AFDN: variants seen among roughly 807,000 people sequenced by gnomAD.
AFDN encodes the protein afadin.
AFDN carries 68 observed loss-of-function variants against 216.6 expected under a neutral mutation model. The observed-to-expected ratio is 0.31, with a 90% CI of 0.26 to 0.38. AFDN has a LOEUF of 0.38. Ranked by LOEUF, AFDN falls within the 10% of genes least tolerant of loss-of-function variation. The pLI is 1.00. For synonymous variants in AFDN, 868 were observed against 853.7 expected, an observed-to-expected ratio of 1.02 and a Z score of -0.29; for missense variants, 2,136 against 2,342.0, an observed-to-expected ratio of 0.91 and a Z score of 1.82.
chr6:167,857,291 TGCCTTA>T (rs1162941856), intron 1 of AFDN, among the ~76,000 whole-genome samples: 1 of 152,060 alleles, frequency 6.6e-6, no homozygotes, highest in African/African-American at 2.4e-5. Context: ...TTCAGGGAAG[TGCCTTA>T]GTCATAATGT....
At chr6:167,923,063 G>T in intron 22 of AFDN, 104 bp downstream of exon 22, 1 of 760,376 alleles carries the variant, frequency 1.3e-6, no homozygotes, top group Admixed American at 2.9e-5. Flanking sequence ...TGATGGCAGA[G>T]TTTTAAAATC....
chr6:167,926,995 G>C (rs914463682), intron 23 of AFDN, among the ~76,000 whole-genome samples: 6 of 152,154 alleles, frequency 3.9e-5, no homozygotes, highest in Admixed American at 1.3e-4. Flanking sequence ...CTGGAAGTTA[G>C]TTTATTTAAA....
At chr6:167,923,920 C>T (rs1377342490) in intron 22 of AFDN, among the ~76,000 whole-genome samples, 3 of 151,956 alleles carry the variant, frequency 2.0e-5, no homozygotes, top group Admixed American at 6.5e-5. Flanking sequence ...CCACCTCGCC[C>T]GGCCCCTAAT....
At chr6:167,898,139 A>T in intron 10 of AFDN, 66 bp from the exon 11 acceptor site, 1 of 1,566,590 alleles carries the variant, frequency 6.4e-7, no homozygotes. Context: ...TCACGGTTTT[A>T]ACATTCTGTG....
chr6:167,840,350 T>G (rs577356244), intron 1 of AFDN, among the ~76,000 whole-genome samples: 5 of 152,340 alleles, frequency 3.3e-5, no homozygotes, highest in African/African-American at 1.2e-4. Flanking sequence ...GTAAGAGGAT[T>G]ATATGGCCTT....
intron 21 of AFDN, among the ~76,000 whole-genome samples, chr6:167,919,171 C>G (rs1791480211): frequency 6.6e-6 from 1 of 152,250 alleles, no homozygotes; most frequent in South Asian, 2.1e-4. Context: ...GCTCTGCGCA[C>G]TTGATGTCAT....
In AFDN at chr6:167,943,939, A is replaced by G; in HGVS notation, c.3240-2A>G. The G allele has an allele frequency of 6.2e-7, 1 of 1,613,796 alleles. No homozygotes were observed. Among genetic ancestry groups the G allele is most frequent in the Non-Finnish European group, 8.5e-7 (1 of 1,179,700 alleles). On this transcript the variant is annotated splice_acceptor_variant, in intron 25 of 33. Coordinates refer to ENST00000683244, the MANE Select transcript of AFDN (RefSeq NM_001386888.1). LOFTEE classifies it high-confidence loss of function. Reference sequence around the variant, plus strand: ...CTTACATGTGTAATCTTCTTCTCCTAGGGCGGCAGAACTCATGACAAGAAC... The same window carrying G: ...CTTACATGTGTAATCTTCTTCTCCTGGGGCGGCAGAACTCATGACAAGAAC...
In AFDN at chr6:167,948,374, T is replaced by C. The variant is rs1462545889; in HGVS notation, c.3727T>C (p.Ser1243Pro). 1 of 1,614,006 alleles carries C rather than the reference T, an allele frequency of 6.2e-7. No individual in the cohort carries two copies. The highest frequency in any genetic ancestry group is 8.5e-7 in the Non-Finnish European group (1 of 1,180,034). Residue 1243 changes from serine (S) to proline (P), a missense_variant, in exon 29 of 34, where the codon TCC becomes CCC. Physicochemically the swap from Ser to Pro is moderately conservative, Grantham distance 74 (BLOSUM62 -1). Around this residue, in one of 8 missense-constraint regions of AFDN, gnomAD observed 981 missense variants for 966.0 expected, o/e 1.02. Coordinates refer to ENST00000683244, the MANE Select transcript of AFDN (RefSeq NM_001386888.1). ...CAGAGAGTATTTTACCTTCCCAGCT[T>C]CCAAATCCCAGGATCGGATGGCTCC... The part of the protein sequence containing the change: ...YTREYFTFPA[S>P]KSQDRMAPPQ...
chr6:167,851,158 C>T (rs534293003), intron 1 of AFDN, among the ~76,000 whole-genome samples: 9 of 152,286 alleles, frequency 5.9e-5, no homozygotes, highest in South Asian at 2.1e-4. Flanking sequence ...TCATTTTTCA[C>T]GTCATATATA....
intron 23 of AFDN, among the ~76,000 whole-genome samples, chr6:167,938,898 T>C (rs891077763): frequency 2.8e-4 from 42 of 152,316 alleles, no homozygotes; most frequent in Admixed American, 2.6e-3. Flanking sequence ...AAGAGCTGAC[T>C]GGCAGGCAGC....
At chr6:167,857,049 ATACTCACACTG>A (rs1395316805) in intron 1 of AFDN, among the ~76,000 whole-genome samples, 1 of 152,140 alleles carries the variant, frequency 6.6e-6, no homozygotes, top group Non-Finnish European at 1.5e-5. Flanking sequence ...CTCGTTATTT[ATACTCACACTG>A]TAAAAAACTG....
intron 1 of AFDN, among the ~76,000 whole-genome samples, chr6:167,847,973 G>A (rs1466048424): frequency 2.0e-5 from 3 of 152,050 alleles, no homozygotes; most frequent in East Asian, 3.9e-4. Context: ...CTATTTGTCA[G>A]TTATGCCAAC....
At position 167,899,275 on chromosome 6, in the gene AFDN, T is replaced by A. The variant is rs1297811383; in HGVS notation, c.1580+808T>A. Among the ~76,000 whole-genome samples, 3 of 152,124 alleles carry A rather than the reference T, an allele frequency of 2.0e-5. No homozygotes were observed. In the East Asian group the frequency reaches 5.8e-4, roughly 29 times the overall value. On this transcript the variant is annotated intron_variant, in intron 11 of 33. Coordinates refer to ENST00000683244, the MANE Select transcript of AFDN (RefSeq NM_001386888.1). ...TATCACATATATTTATTTGTAAAGT[T>A]CACAGCTGTTTAAGATCCATCCCCA...
intron 1 of AFDN, among the ~76,000 whole-genome samples, chr6:167,827,458 G>C (rs1779264102): frequency 6.9e-6 from 1 of 144,228 alleles, no homozygotes; most frequent in Admixed American, 6.8e-5. Flanking sequence ...CGCGCGGGCC[G>C]AGCGGGGGCT....
chr6:167,897,833 A>AC (rs1788475688), intron 10 of AFDN, among the ~76,000 whole-genome samples: 1 of 151,778 alleles, frequency 6.6e-6, no homozygotes, highest in African/African-American at 2.4e-5. Context: ...TTTCGTAGAG[A>AC]CGGAGTTTCA....
rs1194178388 is a variant in AFDN at position 167,915,311 on chromosome 6, T to A, written c.2443T>A (p.Ser815Thr). 1.2e-6 allele frequency: 2 copies of A among 1,614,124 alleles called. No individual in the cohort carries two copies. ...CAATAGATTGGTGACCGACCCAGAT[T>A]CGGGGCTGTGCTCCCATTACTGGGG... ...LFNRLVTDPD[S>T]GLCSHYWGAI... The change falls in exon 19 of 34, where the codon TCG becomes ACG. Residue 815 changes from serine (S) to threonine (T), a missense_variant. Ser to Thr is a moderately conservative substitution (Grantham distance 58, BLOSUM62 1). This residue lies in a region of AFDN where 817 missense variants were observed against 965.7 expected (regional missense o/e 0.85). Coordinates refer to ENST00000683244, the MANE Select transcript of AFDN (RefSeq NM_001386888.1).
chr6:167,963,473 G>C, intron 31 of AFDN: 1 of 1,053,248 alleles, frequency 9.5e-7, no homozygotes, highest in African/African-American at 1.7e-5. Context: ...TATATTAATA[G>C]AACAGTGTAC....
chr6:167,900,299 A>G (rs972321429), intron 11 of AFDN, among the ~76,000 whole-genome samples: 3 of 152,238 alleles, frequency 2.0e-5, no homozygotes, highest in East Asian at 3.8e-4. Context: ...TGTGTCTTCA[A>G]ATCCTACTGA....
intron 32 of AFDN, among the ~76,000 whole-genome samples, chr6:167,966,972 G>C (rs1797632230): frequency 6.6e-6 from 1 of 152,246 alleles, no homozygotes; most frequent in Non-Finnish European, 1.5e-5. Context: ...CAGGCGTGCA[G>C]CTGCCGTTAG....
Sources: allele counts gnomAD v4.1 joint callset (sites outside exome capture counted in the v4.1 genomes callset), GRCh38; gene constraint gnomAD v4.1.1; regional missense constraint gnomAD v4.1.1; transcripts MANE v1.5; gene names NCBI Gene and HGNC (gene_info 2026-07-23, HGNC 2026-07-21).